The following AUTS2 variants were observed in gnomAD, a reference collection of about 807,000 sequenced individuals.
The protein encoded by AUTS2 is autism susceptibility gene 2 protein.
A neutral mutation model predicts 112.4 loss-of-function variants in AUTS2; 17 were observed. The ratio of observed to expected loss-of-function variants is 0.15; its 90% confidence interval spans 0.10 to 0.23. The LOEUF (loss-of-function observed/expected upper bound fraction) is 0.23. Among genes scored for constraint, AUTS2 ranks in the 10% least tolerant of loss-of-function variants. The pLI is 1.00. For missense variants in AUTS2, 1,510 were observed against 1,701.6 expected (o/e 0.89, Z 1.98); for synonymous variants, 751 against 702.7 (o/e 1.07, Z -1.09).
At chr7:69,718,902 T>C (rs762982749) in intron 1 of AUTS2, among the ~76,000 whole-genome samples, 6 of 152,246 alleles carry the variant, frequency 3.9e-5, no homozygotes, top group East Asian at 1.9e-4. Context: ...TTATCACTGC[T>C]TAAAGCCTCA....
intron 2 of AUTS2, among the ~76,000 whole-genome samples, chr7:69,904,541 A>G (rs1013446903): frequency 2.0e-5 from 3 of 152,228 alleles, no homozygotes; most frequent in Non-Finnish European, 4.4e-5. Context: ...ATGAAAAGAC[A>G]TGAACTTTGC....
intron 11 of AUTS2, among the ~76,000 whole-genome samples, chr7:70,773,612 G>A (rs1790499321): frequency 6.6e-6 from 1 of 152,220 alleles, no homozygotes; most frequent in Non-Finnish European, 1.5e-5. Context: ...TTATTCTGAT[G>A]AGAAACACCT....
At chr7:70,623,394 A>G (rs1804775417) in intron 5 of AUTS2, among the ~76,000 whole-genome samples, 1 of 152,180 alleles carries the variant, frequency 6.6e-6, no homozygotes, top group South Asian at 2.1e-4. Context: ...GTTCTGTTCA[A>G]TTCCCAGAGG....
intron 3 of AUTS2, among the ~76,000 whole-genome samples, chr7:70,120,765 C>A (rs1310421871): frequency 6.6e-6 from 1 of 152,146 alleles, no homozygotes; most frequent in Non-Finnish European, 1.5e-5. Flanking sequence ...ATTAAGATGT[C>A]AGTACTACCC....
intron 4 of AUTS2, among the ~76,000 whole-genome samples, chr7:70,359,181 A>G (rs994872379): frequency 3.9e-5 from 6 of 152,368 alleles, no homozygotes; most frequent in Non-Finnish European, 4.4e-5. Flanking sequence ...ACAAAGCATT[A>G]TATTGACATA....
At chr7:69,760,013 T>C (rs1050474980) in intron 1 of AUTS2, among the ~76,000 whole-genome samples, 1 of 151,854 alleles carries the variant, frequency 6.6e-6, no homozygotes, top group Non-Finnish European at 1.5e-5. Context: ...GATAGTAAAC[T>C]GAAAATGAAA....
At chr7:70,267,031 G>T (rs575084726) in intron 4 of AUTS2, among the ~76,000 whole-genome samples, 1 of 152,258 alleles carries the variant, frequency 6.6e-6, no homozygotes, top group Middle Eastern at 3.4e-3. Context: ...ACTTTCTTCT[G>T]TGTGGATAAG....
intron 5 of AUTS2, among the ~76,000 whole-genome samples, chr7:70,641,268 C>T (rs937487952): frequency 2.6e-5 from 4 of 152,114 alleles, no homozygotes; most frequent in South Asian, 2.1e-4. Context: ...ATAGGTCTTT[C>T]GCCAGGCGCG....
At chr7:70,674,518 G>A (rs995832468) in intron 5 of AUTS2, among the ~76,000 whole-genome samples, 1 of 152,202 alleles carries the variant, frequency 6.6e-6, no homozygotes, top group African/African-American at 2.4e-5. Flanking sequence ...GGGTAGGCGA[G>A]GAGTGATGAT....
intron 5 of AUTS2, among the ~76,000 whole-genome samples, chr7:70,693,660 T>A (rs1362888802): frequency 1.3e-5 from 2 of 152,252 alleles, no homozygotes; most frequent in Admixed American, 1.3e-4. Context: ...TTTACATACA[T>A]GACTTTACCA....
At chr7:69,611,503 T>C (rs1793030380) in intron 1 of AUTS2, among the ~76,000 whole-genome samples, 1 of 152,234 alleles carries the variant, frequency 6.6e-6, no homozygotes, top group Non-Finnish European at 1.5e-5. Flanking sequence ...AATATAAATG[T>C]TTTTAAATAT....
At chr7:69,635,880 T>C (rs1794497636) in intron 1 of AUTS2, among the ~76,000 whole-genome samples, 1 of 152,238 alleles carries the variant, frequency 6.6e-6, no homozygotes, top group Non-Finnish European at 1.5e-5. Context: ...TGAATCCTTT[T>C]TTGTGTGTGC....
intron 1 of AUTS2, among the ~76,000 whole-genome samples, chr7:69,768,418 G>A (rs1208634305): frequency 6.6e-6 from 1 of 152,168 alleles, no homozygotes; most frequent in Non-Finnish European, 1.5e-5. Flanking sequence ...CACACAGAAC[G>A]GAGGTTACCT....
chr7:69,729,976 T>TTTG (rs202221746), intron 1 of AUTS2, among the ~76,000 whole-genome samples: 3 of 149,458 alleles, frequency 2.0e-5, no homozygotes, highest in South Asian at 2.1e-4. Context: ...TATGTTTTTT[T>TTTG]TTGTTGTTGT....
chr7:70,431,266 T>C (rs978213478), intron 4 of AUTS2, among the ~76,000 whole-genome samples: 4 of 152,248 alleles, frequency 2.6e-5, no homozygotes, highest in Non-Finnish European at 5.9e-5. Context: ...TTAAAATGTA[T>C]GTTTAAAAGA....
chr7:70,578,114 G>A (rs999690446), intron 5 of AUTS2, among the ~76,000 whole-genome samples: 1 of 152,208 alleles, frequency 6.6e-6, no homozygotes, highest in Non-Finnish European at 1.5e-5. Context: ...ACAGGCGTGA[G>A]CCACCGCACC....
chr7:70,513,992 A>G (rs1490338951), intron 5 of AUTS2, among the ~76,000 whole-genome samples: 3 of 152,156 alleles, frequency 2.0e-5, no homozygotes, highest in African/African-American at 2.4e-5. Context: ...GATTTATTAA[A>G]TGAGCACTGT....
At chr7:70,146,111 A>G (rs879159390) in intron 4 of AUTS2, among the ~76,000 whole-genome samples, 3 of 152,160 alleles carry the variant, frequency 2.0e-5, no homozygotes, top group African/African-American at 4.8e-5. Context: ...TGTGACTAAC[A>G]GCCTCTCAGT....
chr7:70,581,717 A>G lies in AUTS2; in HGVS notation c.691-116852A>G, dbSNP rs76070034. Among the ~76,000 whole-genome samples the G allele has an allele frequency of 5.1e-3, 775 of 152,306 alleles. 9 individuals carry two copies. Among genetic ancestry groups the G allele is most frequent in the African/African-American group, 0.017 (724 of 41,568 alleles). ...GAACAGACCTGGTTCCTAGTAAGCC[A>G]TGTTTCCATTCACCAAGGTTTGGGG... On this transcript the variant is annotated intron_variant, in intron 5 of 18. Transcript: ENST00000342771.
Sources: allele counts gnomAD v4.1 joint callset (sites outside exome capture counted in the v4.1 genomes callset), GRCh38; gene constraint gnomAD v4.1.1; transcripts MANE v1.5; gene names NCBI Gene and HGNC (gene_info 2026-07-23, HGNC 2026-07-21).